BYSL: variants seen among roughly 807,000 people sequenced by gnomAD.
BYSL encodes the protein bystin.
A neutral mutation model predicts 45.4 loss-of-function variants in BYSL; 21 were observed. That is an observed-to-expected ratio of 0.46 (90% confidence interval 0.33 to 0.67). The LOEUF (loss-of-function observed/expected upper bound fraction) is 0.67, where lower values mean the gene tolerates loss of function less well. Ranked by LOEUF, BYSL falls within the 30% of genes least tolerant of loss-of-function variation. The pLI is 0.02. For synonymous variants in BYSL, 215 were observed against 231.3 expected, an observed-to-expected ratio of 0.93 and a Z score of 0.64; for missense variants, 522 against 578.5, an observed-to-expected ratio of 0.90 and a Z score of 1.00.
At position 41,927,398 on chromosome 6, in the gene BYSL, C is replaced by T. The variant is rs1775578851; in HGVS notation, c.293C>T (p.Ser98Leu). 1.2e-6 allele frequency: 2 copies of T among 1,614,016 alleles called. No individual in the cohort carries two copies. Among genetic ancestry groups the T allele is most frequent in the Middle Eastern group, 1.6e-4 (1 of 6,084 alleles). ...GGTCCAAGAATGCCTCAGGATGGATCAGATGACGAGGACGAGGAGTGGCCC... is the reference window on the plus strand; with the variant it reads ...GGTCCAAGAATGCCTCAGGATGGATTAGATGACGAGGACGAGGAGTGGCCC... ...RLGPRMPQDG[S>L]DDEDEEWPTL... Residue 98 changes from serine to leucine, a missense_variant, in exon 2 of 7, where the codon TCA (serine) becomes TTA (leucine). Physicochemically the swap from Ser to Leu is moderately radical, Grantham distance 145. Transcript: ENST00000230340.
At position 41,921,510 on chromosome 6, in the gene BYSL, G is replaced by C; in HGVS notation, c.-53G>C. 6.6e-7 allele frequency: 1 copy of C among 1,516,418 alleles called. No individual in the cohort carries two copies. Among genetic ancestry groups the C allele is most frequent in the Admixed American group, 2.2e-5 (1 of 45,872 alleles). 93.9% of individuals were successfully genotyped at this position (1,516,418 alleles called of 1,614,324 possible). On this transcript the variant is annotated 5_prime_UTR_variant, in exon 1 of 7. Coordinates refer to ENST00000230340, the MANE Select transcript of BYSL (RefSeq NM_004053.4). ...GGAGTCCACCGCGCAAGCGCATCCT[G>C]GCCTTTCTTCAGTCCCCACGTGCGA... is the stretch of plus-strand genomic sequence containing the variant.
At chr6:41,925,310 A>T (rs1437253605) in intron 1 of BYSL, among the ~76,000 whole-genome samples, 1 of 152,052 alleles carries the variant, frequency 6.6e-6, no homozygotes, top group African/African-American at 2.4e-5. Flanking sequence ...CCCTTTCCAG[A>T]TGCCCAGACA....
chr6:41,931,218 A>G (rs995312917), intron 4 of BYSL, among the ~76,000 whole-genome samples, 178 bp from the exon 5 acceptor site: 1 of 151,922 alleles, frequency 6.6e-6, no homozygotes, highest in African/African-American at 2.4e-5. Flanking sequence ...TGCCCCTCCT[A>G]TTCTCTCTCT....
At position 41,927,416 on chromosome 6, in the gene BYSL, AG is replaced by A; in HGVS notation, c.312del (p.Glu104AspfsTer11). ...GATGGATCAGATGACGAGGACGAGGAGTGGCCCACCCTGGAGAAGGCTGCCA... is the reference window on the plus strand; with the variant it reads ...GATGGATCAGATGACGAGGACGAGGATGGCCCACCCTGGAGAAGGCTGCCA... The part of the protein sequence containing the change: ...PQDGSDDEDE[E>X]WPTLEKAATM... On this transcript the variant is annotated frameshift_variant, in exon 2 of 7. Coordinates refer to ENST00000230340, the MANE Select transcript of BYSL (RefSeq NM_004053.4). LOFTEE classifies it high-confidence loss of function. 1 of 1,614,210 alleles carries A rather than the reference AG, an allele frequency of 6.2e-7. No individual in the cohort carries two copies. The highest frequency in any genetic ancestry group is 8.5e-7 in the Non-Finnish European group (1 of 1,180,032).
intron 2 of BYSL, 22 bp downstream of exon 2, chr6:41,927,558 A>G (rs1775581879): frequency 6.2e-7 from 1 of 1,611,266 alleles, no homozygotes; most frequent in African/African-American, 1.3e-5. Context: ...GATTTGGGAT[A>G]ATGAGTCCTT....
At position 41,930,290 on chromosome 6, in the gene BYSL, C is replaced by G. The variant is rs2127386360; in HGVS notation, c.570+20C>G. The stretch of plus-strand genomic sequence containing the variant: ...CGGGAGGTAAGAGCTGAGAGGGGAG[C>G]CATGGTGGAAGACCCCTTTGGGGGC... On this transcript the variant is annotated intron_variant, in intron 3 of 6. Transcript: ENST00000230340. The G allele has an allele frequency of 6.2e-7, 1 of 1,610,112 alleles. No individual in the cohort carries two copies. The highest frequency in any genetic ancestry group is 1.3e-5 in the African/African-American group (1 of 74,898).
chr6:41,931,131 T>TAGCAAGAGGAAGGAGAGTG (rs762291093), intron 4 of BYSL, among the ~76,000 whole-genome samples: 2 of 151,158 alleles, frequency 1.3e-5, no homozygotes, highest in African/African-American at 4.9e-5. Flanking sequence ...ACTCAACTGA[T>TAGCAAGAGGAAGGAGAGTG]GCTGAGTAGC....
At chr6:41,926,695 C>T (rs995340387) in intron 1 of BYSL, among the ~76,000 whole-genome samples, 5 of 150,952 alleles carry the variant, frequency 3.3e-5, no homozygotes, top group Non-Finnish European at 5.9e-5. Context: ...GTGATCTGCC[C>T]GCCTCGGCCT....
chr6:41,930,446 G>A lies in BYSL; in HGVS notation c.570+176G>A. The A allele has an allele frequency of 2.5e-6, 3 of 1,212,758 alleles. No homozygotes were observed. The East Asian group carries it at 7.7e-5, about 31-fold the overall frequency. 75.1% of individuals were successfully genotyped at this position (1,212,758 alleles called of 1,614,324 possible). A position where few individuals can be genotyped will look rare whatever the true frequency, so the allele number is the denominator to read the frequency against. On this transcript the variant is annotated intron_variant, in intron 3 of 6. Coordinates refer to ENST00000230340, the MANE Select transcript of BYSL (RefSeq NM_004053.4). ...TCCTGCTCTGCCTGTAAATGACTTG[G>A]CATCCTTGGGTCGGTTACTGGAACT...
chr6:41,912,270 G>A, the BYSL span, among the ~76,000 whole-genome samples: 2 of 140,484 alleles, frequency 1.4e-5, no homozygotes, highest in African/African-American at 2.7e-5. Flanking sequence ...CAAACTCCTA[G>A]GCTCAAGCAA....
the BYSL span, among the ~76,000 whole-genome samples, chr6:41,913,481 C>T: frequency 6.6e-6 from 1 of 152,206 alleles, no homozygotes; most frequent in Non-Finnish European, 1.5e-5. Flanking sequence ...TACCCAAATG[C>T]TTTTGTAATT....
chr6:41,909,475 A>G, the BYSL span: 5 of 1,614,130 alleles, frequency 3.1e-6, no homozygotes, highest in Admixed American at 3.3e-5. Flanking sequence ...AAACAGCTCA[A>G]TGGGTACTCT....
At chr6:41,918,508 A>C (rs1261061333), upstream of BYSL, among the ~76,000 whole-genome samples, 1 of 147,246 alleles carries the variant, frequency 6.8e-6, no homozygotes, top group Non-Finnish European at 1.5e-5. Context: ...CCATCTCAAA[A>C]AGAAAAAAAA....
chr6:41,921,778 G>GC lies in BYSL; in HGVS notation c.217dup (p.His73ProfsTer28). ...AGCAACAGGAGGAACTCGAGGCCGA[G>GC]CATGGGACTGGGGACAAGCCCGCGG... is the stretch of plus-strand genomic sequence containing the variant. On this transcript the variant is annotated frameshift_variant, in exon 1 of 7. Transcript: ENST00000230340. LOFTEE classifies it high-confidence loss of function. The GC allele has an allele frequency of 6.2e-7, 1 of 1,613,322 alleles. No homozygotes were observed. Among genetic ancestry groups the GC allele is most frequent in the Admixed American group, 1.7e-5 (1 of 59,992 alleles).
In BYSL at chr6:41,932,151, G is replaced by A. The variant is rs930898589; in HGVS notation, c.969-210G>A. 3.3e-5 allele frequency among the ~76,000 whole-genome samples: 5 copies of A among 152,142 alleles called. No homozygotes were observed. Among genetic ancestry groups the A allele is most frequent in the Non-Finnish European group, 7.3e-5 (5 of 68,028 alleles). ...TTACTGAAACAAGCAGTCTATGCTA[G>A]AGATAGAGATTTGGGTGGATCCCTG... On this transcript the variant is annotated intron_variant, in intron 6 of 6. Transcript: ENST00000230340. The surrounding 1 kb of genome is among the most constrained non-coding windows in gnomAD (Gnocchi z 4.7).
the BYSL span, among the ~76,000 whole-genome samples, chr6:41,915,096 TGA>T: frequency 1.3e-5 from 2 of 152,198 alleles, no homozygotes; most frequent in African/African-American, 4.8e-5. Context: ...TGATTAACCC[TGA>T]GAAACACTGC....
chr6:41,930,652 C>A lies in BYSL; in HGVS notation c.588C>A (p.Arg196=). The change falls in exon 4 of 7, where the codon CGC becomes CGA. Residue 196 remains arginine, a synonymous_variant. Transcript: ENST00000230340. ...ATCCCTAGGTATTATCTAAGTACCG[C>A]AGTGGAAAACTGCCCAAGGCATTTA... is the stretch of plus-strand genomic sequence containing the variant. ...RGVREVLSKY[R]SGKLPKAFKI... is the part of the protein sequence containing the mutation. The A allele has an allele frequency of 6.2e-7, 1 of 1,612,478 alleles. No individual in the cohort carries two copies. Among genetic ancestry groups the A allele is most frequent in the Non-Finnish European group, 8.5e-7 (1 of 1,179,428 alleles).
upstream of BYSL, chr6:41,917,819 A>C (rs1288872952): frequency 2.1e-6 from 1 of 470,608 alleles, no homozygotes. Context: ...TGAGCTGTTC[A>C]GCACAGTAGC....
rs200121571 is a variant in BYSL, at chr6:41,930,850, C to G, written c.704+82C>G. On this transcript the variant is annotated intron_variant, in intron 4 of 6. Coordinates refer to ENST00000230340, the MANE Select transcript of BYSL (RefSeq NM_004053.4). ...ACGGACAGGCTTTCCTTGCCTCTGGCCCCAGGGCATTTGAGCTTTGCCCCA... is the reference window on the plus strand; with the variant it reads ...ACGGACAGGCTTTCCTTGCCTCTGGGCCCAGGGCATTTGAGCTTTGCCCCA... The G allele has an allele frequency of 9.7e-5, 146 of 1,499,910 alleles. 1 individual carries two copies. In the East Asian group the frequency reaches 2.9e-3, roughly 30 times the overall value. 92.9% of individuals were successfully genotyped at this position (1,499,910 alleles called of 1,614,324 possible). A position where few individuals can be genotyped will look rare whatever the true frequency, so the allele number is the denominator to read the frequency against.
Sources: allele counts gnomAD v4.1 joint callset (sites outside exome capture counted in the v4.1 genomes callset), GRCh38; gene constraint gnomAD v4.1.1; non-coding constraint Gnocchi (gnomAD v3.1); transcripts MANE v1.5; gene names NCBI Gene and HGNC (gene_info 2026-07-23, HGNC 2026-07-21).